The following MYRIP variants were observed in gnomAD, a reference collection of about 807,000 sequenced individuals.
MYRIP encodes myosin VIIA and Rab interacting protein.
MYRIP carries 49 observed loss-of-function variants against 98.0 expected under a neutral mutation model. That is an observed-to-expected ratio of 0.50 (90% CI 0.40 to 0.63). MYRIP has a LOEUF of 0.63. Among genes scored for constraint, MYRIP ranks in the 30% least tolerant of loss-of-function variants. MYRIP has a pLI of 0.00. For missense variants in MYRIP, 1,004 were observed against 1,058.2 expected (o/e 0.95, Z 0.71); for synonymous variants, 404 against 409.5 (o/e 0.99, Z 0.16).
At position 40,190,426 on chromosome 3, in the gene MYRIP, C is replaced by T. The variant is rs745676606; in HGVS notation, c.1628C>T (p.Ser543Phe). 1.2e-5 allele frequency: 20 copies of T among 1,604,938 alleles called. No individual in the cohort carries two copies. The Admixed American group carries it at 2.2e-4, about 18-fold the overall frequency. ...GSEEPSKEPSSPSAQLRDLDT... is the reference protein window; with the variant it reads ...GSEEPSKEPSFPSAQLRDLDT... ...GAAGAGCCAAGCAAAGAACCATCTT[C>T]CCCCAGCGCCCAGCTCCGGGATCTA... Residue 543 changes from serine (S) to phenylalanine (F), a missense_variant, in exon 10 of 17, where the codon TCC becomes TTC. Physicochemically the swap from Ser to Phe is radical, Grantham distance 155. Coordinates refer to ENST00000302541, the MANE Select transcript of MYRIP (RefSeq NM_015460.4).
chr3:40,213,938 G>A (rs1463382104), intron 11 of MYRIP, among the ~76,000 whole-genome samples: 1 of 152,120 alleles, frequency 6.6e-6, no homozygotes, highest in Non-Finnish European at 1.5e-5. Context: ...GCCATGCACT[G>A]ACTGCCTCAG....
At chr3:39,986,596 C>T (rs892066157) in intron 2 of MYRIP, among the ~76,000 whole-genome samples, 11 of 152,146 alleles carry the variant, frequency 7.2e-5, no homozygotes, top group Admixed American at 2.0e-4. Context: ...GATGCTGCAG[C>T]GGTACCATGC....
chr3:40,112,700 G>A (rs778438395), intron 3 of MYRIP, among the ~76,000 whole-genome samples: 3 of 152,142 alleles, frequency 2.0e-5, no homozygotes, highest in Non-Finnish European at 2.9e-5. Context: ...CCAAACTTTT[G>A]TGCCTCCATA....
At chr3:40,142,130 G>A (rs1478978724) in intron 3 of MYRIP, among the ~76,000 whole-genome samples, 1 of 132,060 alleles carries the variant, frequency 7.6e-6, no homozygotes, top group African/African-American at 2.9e-5. Context: ...TCTGCTCATT[G>A]CAACCTCTGC....
chr3:40,067,207 C>T (rs1441764883), intron 3 of MYRIP, among the ~76,000 whole-genome samples: 2 of 152,124 alleles, frequency 1.3e-5, no homozygotes, highest in Non-Finnish European at 2.9e-5. Context: ...GAACTAGACT[C>T]ACATCTGCAA....
chr3:39,887,940 A>C (rs1417208121), intron 1 of MYRIP, among the ~76,000 whole-genome samples: 1 of 151,670 alleles, frequency 6.6e-6, no homozygotes, highest in Non-Finnish European at 1.5e-5. Context: ...TGCTTCAAAG[A>C]GAATAAAATA....
chr3:39,946,327 G>A (rs541208162), intron 2 of MYRIP, among the ~76,000 whole-genome samples: 1 of 152,162 alleles, frequency 6.6e-6, no homozygotes, highest in South Asian at 2.1e-4. Flanking sequence ...TGGGCCTGAG[G>A]TTCTACCCTA....
In MYRIP at chr3:40,189,882, G is replaced by C; in HGVS notation, c.1084G>C (p.Ala362Pro). Residue 362 changes from alanine to proline, a missense_variant, in exon 10 of 17, where the codon GCT becomes CCT. By Grantham distance (27) the Ala-to-Pro change is conservative. Transcript: ENST00000302541. Reference sequence around the variant, plus strand: ...GAACTGGGTGGCCCTGAAGGATGGCGCTCCACCCCCCACCCGACTACTGGC... The same window carrying C: ...GAACTGGGTGGCCCTGAAGGATGGCCCTCCACCCCCCACCCGACTACTGGC... ...DGNWVALKDG[A>P]PPPTRLLAKP... is the part of the protein sequence containing the mutation. 1 of 1,614,134 alleles carries C rather than the reference G, an allele frequency of 6.2e-7. No individual in the cohort carries two copies. The highest frequency in any genetic ancestry group is 8.5e-7 in the Non-Finnish European group (1 of 1,180,020).
chr3:40,171,918 T>C (rs368737902), intron 8 of MYRIP, among the ~76,000 whole-genome samples: 1 of 152,126 alleles, frequency 6.6e-6, no homozygotes, highest in East Asian at 1.9e-4. Flanking sequence ...ACAATCATGG[T>C]GGAAAGTGAA....
chr3:39,982,349 A>G (rs980178907), intron 2 of MYRIP, among the ~76,000 whole-genome samples: 1 of 152,136 alleles, frequency 6.6e-6, no homozygotes, highest in Non-Finnish European at 1.5e-5. Flanking sequence ...TGTATGTACG[A>G]TGAGAAATTG....
intron 9 of MYRIP, among the ~76,000 whole-genome samples, chr3:40,188,985 C>G (rs771967144): frequency 2.0e-5 from 3 of 152,214 alleles, no homozygotes; most frequent in African/African-American, 7.2e-5. Flanking sequence ...GGACCATGCT[C>G]CAGGCAGACC....
At position 40,196,271 on chromosome 3, in the gene MYRIP, C is replaced by T. The variant is rs190916692; in HGVS notation, c.1665+5808C>T. 2.7e-5 allele frequency among the ~76,000 whole-genome samples: 4 copies of T among 149,276 alleles called. No homozygotes were observed. In the East Asian group the frequency reaches 7.7e-4, roughly 29 times the overall value. The stretch of plus-strand genomic sequence containing the variant: ...TTTCTACTTTTATATTTATTAATGT[C>T]TTCTTTTTACTTTCTTGTTTTCATA... On this transcript the variant is annotated intron_variant, in intron 10 of 16. Coordinates refer to ENST00000302541, the MANE Select transcript of MYRIP (RefSeq NM_015460.4).
intron 3 of MYRIP, among the ~76,000 whole-genome samples, chr3:40,108,353 T>C (rs977413846): frequency 8.0e-5 from 11 of 136,730 alleles, no homozygotes; most frequent in Non-Finnish European, 1.5e-4. Context: ...TGAGCAGAGC[T>C]GATGGGGTCT....
At chr3:40,247,542 G>GAGAT (rs927229341) in intron 13 of MYRIP, among the ~76,000 whole-genome samples, 3 of 152,040 alleles carry the variant, frequency 2.0e-5, no homozygotes, top group Admixed American at 6.6e-5. Flanking sequence ...TTCTTCTTTT[G>GAGAT]AGATAGAGTC....
intron 1 of MYRIP, among the ~76,000 whole-genome samples, chr3:39,895,378 G>A (rs946561645): frequency 1.3e-5 from 2 of 151,890 alleles, no homozygotes; most frequent in African/African-American, 4.8e-5. Flanking sequence ...TTAGAGACGG[G>A]GTTTCACCAT....
chr3:39,899,665 G>C (rs1943700184), intron 1 of MYRIP, among the ~76,000 whole-genome samples: 1 of 152,100 alleles, frequency 6.6e-6, no homozygotes, highest in Non-Finnish European at 1.5e-5. Flanking sequence ...GTATTACAAA[G>C]AGATTACACC....
intron 1 of MYRIP, among the ~76,000 whole-genome samples, chr3:39,838,118 TGGG>T (rs780969015): frequency 3.0e-4 from 45 of 152,354 alleles, no homozygotes; most frequent in Non-Finnish European, 6.0e-4. Flanking sequence ...CCTGAGACAG[TGGG>T]GTTTTCTAAA....
chr3:39,996,146 A>G (rs141287099), intron 2 of MYRIP, among the ~76,000 whole-genome samples: 5 of 152,220 alleles, frequency 3.3e-5, no homozygotes, highest in Non-Finnish European at 5.9e-5. Context: ...ATAACCAGCT[A>G]ACATCATAAT....
intron 1 of MYRIP, among the ~76,000 whole-genome samples, chr3:39,852,157 CT>C (rs1176263932): frequency 6.6e-6 from 1 of 152,112 alleles, no homozygotes; most frequent in Non-Finnish European, 1.5e-5. Flanking sequence ...AGTAGGGAGC[CT>C]GGTCAGTGAT....
Sources: gnomAD v4.1 joint callset for allele counts (sites outside exome capture counted in the v4.1 genomes callset) on GRCh38, gnomAD v4.1.1 for gene constraint, MANE v1.5 for transcripts, NCBI Gene and HGNC (gene_info 2026-07-23, HGNC 2026-07-21) for gene names.